Variants in KIF26B observed in about 807,000 individuals in gnomAD.
KIF26B encodes kinesin family member 26B, also known as kinesin-like protein KIF26B.
KIF26B carries 63 observed loss-of-function variants against 151.2 expected under a neutral mutation model. The observed-to-expected ratio is 0.42, with a 90% CI of 0.34 to 0.51. KIF26B has a LOEUF of 0.51. Ranked by LOEUF, KIF26B falls within the 20% of genes least tolerant of loss-of-function variation. The pLI, the probability that KIF26B is intolerant of heterozygous loss-of-function variation, is 0.07. For synonymous variants in KIF26B, 1,357 were observed against 1,262.1 expected (o/e 1.08, Z -1.59); for missense variants, 2,813 against 2,913.6 (o/e 0.97, Z 0.79).
At chr1:245,189,907 G>A (rs1326994704) in intron 2 of KIF26B, among the ~76,000 whole-genome samples, 14 of 152,346 alleles carry the variant, frequency 9.2e-5, no homozygotes, top group Admixed American at 5.2e-4. Flanking sequence ...GCAGACAAGA[G>A]AGAAAGAGAG....
At chr1:245,561,719 CTG>C (rs1328921116) in intron 5 of KIF26B, among the ~76,000 whole-genome samples, 2 of 152,200 alleles carry the variant, frequency 1.3e-5, no homozygotes, top group Non-Finnish European at 2.9e-5. Flanking sequence ...AGTGAGGAAA[CTG>C]AGGCCTAGAG....
intron 2 of KIF26B, among the ~76,000 whole-genome samples, chr1:245,184,052 T>TG (rs57753080): frequency 0.018 from 1,945 of 107,734 alleles, 134 homozygotes; most frequent in African/African-American, 0.063. Flanking sequence ...GAGTTGTTGT[T>TG]TTTTTTTTTT....
In KIF26B at chr1:245,267,137, G is replaced by A. The variant is rs560955218; in HGVS notation, c.466-99697G>A. ...CATTTCATTCTGCACAAACCTCCTC[G>A]CCGCCTGCCACATCTAAGCTATGAT... On this transcript the variant is annotated intron_variant, in intron 2 of 14. Coordinates refer to ENST00000407071, the MANE Select transcript of KIF26B (RefSeq NM_018012.4). Among the ~76,000 whole-genome samples the A allele has an allele frequency of 1.6e-4, 24 of 152,220 alleles. No homozygotes were observed. The East Asian group carries it at 1.9e-3, about 12-fold the overall frequency.
chr1:245,463,602 A>G (rs1659701613), intron 4 of KIF26B, among the ~76,000 whole-genome samples: 1 of 152,180 alleles, frequency 6.6e-6, no homozygotes. Context: ...TTTGCAGTCA[A>G]TGGTTACTGA....
chr1:245,267,379 A>C (rs761482936), intron 2 of KIF26B, among the ~76,000 whole-genome samples: 1 of 152,204 alleles, frequency 6.6e-6, no homozygotes, highest in Non-Finnish European at 1.5e-5. Flanking sequence ...CAAGCCCAGC[A>C]TTGCGAAGTA....
chr1:245,688,805 C>T lies in KIF26B; in HGVS notation c.5822C>T (p.Pro1941Leu), dbSNP rs1200660135. The T allele has an allele frequency of 6.4e-7, 1 of 1,570,370 alleles. No individual in the cohort carries two copies. The highest frequency in any genetic ancestry group is 8.7e-7 in the Non-Finnish European group (1 of 1,155,428). The change falls in exon 12 of 15, where the codon CCA (proline) becomes CTA (leucine). Residue 1941 changes from proline (P) to leucine (L), a missense_variant and splice_region_variant. Around this residue, in one of 3 missense-constraint regions of KIF26B, gnomAD observed 2,060 missense variants for 2,088.6 expected, o/e 0.99. Transcript: ENST00000407071. Reference sequence around the variant, plus strand: ...AAGACCCCGAAGAAACGCTCCAATCCAGGTAGGCGGCTGGGCGCAGGGACG... The same window carrying T: ...AAGACCCCGAAGAAACGCTCCAATCTAGGTAGGCGGCTGGGCGCAGGGACG... ...SLKTPKKRSN[P>L]GSQRRRLIPA...
At chr1:245,441,177 C>A (rs913345718) in intron 4 of KIF26B, among the ~76,000 whole-genome samples, 2 of 152,074 alleles carry the variant, frequency 1.3e-5, no homozygotes, top group Non-Finnish European at 2.9e-5. Context: ...TGTCTACCAC[C>A]GTAATTAAGA....
At chr1:245,271,240 T>C (rs1252745126) in intron 2 of KIF26B, among the ~76,000 whole-genome samples, 1 of 152,200 alleles carries the variant, frequency 6.6e-6, no homozygotes, top group East Asian at 1.9e-4. Flanking sequence ...TTCAGGGTCC[T>C]TTGTGGTTGG....
chr1:245,500,173 A>T (rs1660593039), intron 4 of KIF26B, among the ~76,000 whole-genome samples: 1 of 152,222 alleles, frequency 6.6e-6, no homozygotes, highest in Admixed American at 6.5e-5. Flanking sequence ...TCTTTGGGTG[A>T]AAGCTGTCGA....
At chr1:245,692,248 G>A (rs1383556175) in intron 12 of KIF26B, among the ~76,000 whole-genome samples, 4 of 151,120 alleles carry the variant, frequency 2.6e-5, no homozygotes, top group African/African-American at 9.7e-5. Flanking sequence ...CCGGCACAGG[G>A]GACAAGGCCA....
intron 3 of KIF26B, among the ~76,000 whole-genome samples, chr1:245,406,591 G>A (rs1674140319): frequency 6.6e-6 from 1 of 152,172 alleles, no homozygotes; most frequent in South Asian, 2.1e-4. Flanking sequence ...AAAAGGGCAT[G>A]ATGTGTATTA....
rs554965555 is a variant in KIF26B at position 245,598,994 on chromosome 1, C to T, written c.1351-3583C>T. On this transcript the variant is annotated intron_variant, in intron 5 of 14. Transcript: ENST00000407071. Reference sequence around the variant, plus strand: ...GAAATAGTGACCGTCCCTTTGAGCCCGAGAGCTGGGGAGAAGGCCGTGCCT... The same window carrying T: ...GAAATAGTGACCGTCCCTTTGAGCCTGAGAGCTGGGGAGAAGGCCGTGCCT... Among the ~76,000 whole-genome samples, 42 of 152,154 alleles carry T rather than the reference C, an allele frequency of 2.8e-4. No individual in the cohort carries two copies. The South Asian group carries it at 6.7e-3, about 24-fold the overall frequency.
At chr1:245,403,387 T>A (rs1674053351) in intron 3 of KIF26B, among the ~76,000 whole-genome samples, 1 of 152,266 alleles carries the variant, frequency 6.6e-6, no homozygotes, top group Non-Finnish European at 1.5e-5. Flanking sequence ...TTCTTTATTC[T>A]ATTTCCTCAG....
At chr1:245,298,659 C>A (rs2886051) in intron 2 of KIF26B, among the ~76,000 whole-genome samples, 60,470 of 152,144 alleles carry the variant, frequency 0.4, 12,381 homozygotes, top group East Asian at 0.59. Context: ...TCTCATGTTA[C>A]ATATACCACA....
Position 245,271,582 on chromosome 1 carries a change from C to CTT in KIF26B, c.466-95238_466-95237dup, listed in dbSNP as rs541575144. 4.6e-3 allele frequency among the ~76,000 whole-genome samples: 583 copies of CTT among 127,016 alleles called. 3 individuals are homozygous for CTT. Among genetic ancestry groups the CTT allele is most frequent in the African/African-American group, 0.016 (551 of 35,396 alleles). 83.3% of individuals were successfully genotyped at this position (127,016 alleles called of 152,430 possible). Reference sequence around the variant, plus strand: ...AAAGGATGTTGAATTCAGTCAAATGCTTTTTTTTTTTTTTTACATATTTTG... The same window carrying CTT: ...AAAGGATGTTGAATTCAGTCAAATGCTTTTTTTTTTTTTTTTTACATATTTTG... On this transcript the variant is annotated intron_variant, in intron 2 of 14. Coordinates refer to ENST00000407071, the MANE Select transcript of KIF26B (RefSeq NM_018012.4).
Position 245,156,421 on chromosome 1 carries a change from C to T in KIF26B, c.203C>T (p.Thr68Ile), listed in dbSNP as rs1472434217. The T allele has an allele frequency of 6.5e-7, 1 of 1,530,430 alleles. No individual in the cohort carries two copies. Among genetic ancestry groups the T allele is most frequent in the Admixed American group, 2.0e-5 (1 of 49,118 alleles). 94.8% of individuals were successfully genotyped at this position (1,530,430 alleles called of 1,614,324 possible). A position where few individuals can be genotyped will look rare whatever the true frequency, so the allele number is the denominator to read the frequency against. ...GAGSALGSSGTPSPGSGTSSP... is the reference protein window; with the variant it reads ...GAGSALGSSGIPSPGSGTSSP... ...GGCTCAGCGCTCGGCTCCTCGGGGA[C>T]CCCGTCTCCCGGCTCGGGCACCTCG... The change falls in exon 2 of 15, where the codon ACC (threonine) becomes ATC (isoleucine). Residue 68 changes from threonine to isoleucine, a missense_variant. By Grantham distance (89) the Thr-to-Ile change is moderately conservative. This residue lies in a region of KIF26B where 676 missense variants were observed against 688.1 expected (regional missense o/e 0.98). Transcript: ENST00000407071.
rs1008698106 is a variant in KIF26B, at chr1:245,239,868, T to A, written c.465+83185T>A. Among the ~76,000 whole-genome samples, 2 of 152,256 alleles carry A rather than the reference T, an allele frequency of 1.3e-5. No individual in the cohort carries two copies. Among genetic ancestry groups the A allele is most frequent in the African/African-American group, 4.8e-5 (2 of 41,572 alleles). ...TGTCTTTCCTGACAGTGTATTTTTA[T>A]TTTACTATATAAAGAGTCACTTTCC... On this transcript the variant is annotated intron_variant, in intron 2 of 14. Coordinates refer to ENST00000407071, the MANE Select transcript of KIF26B (RefSeq NM_018012.4). This position sits in a 1 kb window ranked among gnomAD's most constrained non-coding sequence, Gnocchi z 4.3.
At chr1:245,430,384 G>C (rs1170858721) in intron 4 of KIF26B, among the ~76,000 whole-genome samples, 2 of 151,978 alleles carry the variant, frequency 1.3e-5, no homozygotes, top group Non-Finnish European at 2.9e-5. Context: ...TGGCCAGCCA[G>C]GTGGTGCCAT....
intron 4 of KIF26B, among the ~76,000 whole-genome samples, chr1:245,472,083 C>T (rs1437316692): frequency 3.3e-5 from 5 of 152,284 alleles, no homozygotes; most frequent in Middle Eastern, 3.4e-3. Flanking sequence ...TGAGCCACTG[C>T]GCCCAGTCAG....
Sources: gnomAD v4.1 joint callset for allele counts (sites outside exome capture counted in the v4.1 genomes callset) on GRCh38, gnomAD v4.1.1 for gene constraint, gnomAD v4.1.1 regional missense constraint, Gnocchi (gnomAD v3.1) non-coding constraint, MANE v1.5 for transcripts, NCBI Gene and HGNC (gene_info 2026-07-23, HGNC 2026-07-21) for gene names.